The following GSAP variants were observed in gnomAD, a reference collection of about 807,000 sequenced individuals.
The protein encoded by GSAP is gamma-secretase-activating protein.
A neutral mutation model predicts 131.7 loss-of-function variants in GSAP; 118 were observed. That is an observed-to-expected ratio of 0.90 (90% CI 0.77 to 1.04). The LOEUF (loss-of-function observed/expected upper bound fraction) is 1.04, where lower values mean the gene tolerates loss of function less well. Among genes scored for constraint, GSAP ranks in the 50% least tolerant of loss-of-function variants. GSAP has a pLI of 0.00. For synonymous variants in GSAP, 381 were observed against 363.4 expected (o/e 1.05, Z -0.55); for missense variants, 1,019 against 1,013.2 (o/e 1.01, Z -0.08).
intron 6 of GSAP, among the ~76,000 whole-genome samples, chr7:77,386,713 A>G (rs1424832040): frequency 1.3e-5 from 2 of 152,242 alleles, no homozygotes; most frequent in Non-Finnish European, 2.9e-5. Flanking sequence ...ACAAAAATTG[A>G]AAGATGGAAC....
chr7:77,397,467 A>G, intron 3 of GSAP, 52 bp from the exon 4 acceptor site: 1 of 985,380 alleles, frequency 1.0e-6, no homozygotes, highest in Non-Finnish European at 1.6e-6. Context: ...TTAAATAACA[A>G]TTGTATGAAC....
chr7:77,353,667 T>A (rs775045755), intron 16 of GSAP, 26 bp from the exon 17 acceptor site: 2 of 1,492,406 alleles, frequency 1.3e-6, no homozygotes. Flanking sequence ...CAGAACTCTG[T>A]TGGTATTTAA....
At chr7:77,416,057 A>T (rs1804372326) in intron 1 of GSAP, among the ~76,000 whole-genome samples, 156 bp downstream of exon 1, 1 of 152,208 alleles carries the variant, frequency 6.6e-6, no homozygotes, top group African/African-American at 2.4e-5. Context: ...TGGGTGGCAA[A>T]GCCAAAACAG....
At chr7:77,372,437 AAAT>A (rs1796270820) in intron 12 of GSAP, among the ~76,000 whole-genome samples, 1 of 152,238 alleles carries the variant, frequency 6.6e-6, no homozygotes, top group African/African-American at 2.4e-5. Flanking sequence ...TTTGAATAGA[AAAT>A]AAAGTTTATT....
At chr7:77,384,200 G>A (rs1020343537) in intron 6 of GSAP, among the ~76,000 whole-genome samples, 1 of 152,226 alleles carries the variant, frequency 6.6e-6, no homozygotes, top group Non-Finnish European at 1.5e-5. Context: ...TATGGAAGAT[G>A]GTATGGCCTC....
In GSAP at chr7:77,362,562, CAAAG is replaced by C. The variant is rs1794686982; in HGVS notation, c.949+17_949+20del. 1 of 1,281,056 alleles carries C rather than the reference CAAAG, an allele frequency of 7.8e-7. No individual in the cohort carries two copies. Among genetic ancestry groups the C allele is most frequent in the Non-Finnish European group, 1.1e-6 (1 of 880,938 alleles). 79.4% of individuals were successfully genotyped at this position (1,281,056 alleles called of 1,614,324 possible). A position where few individuals can be genotyped will look rare whatever the true frequency, so the allele number is the denominator to read the frequency against. On this transcript the variant is annotated intron_variant, in intron 13 of 30. Transcript: ENST00000257626. ...GGAAAAAGTTATTATGTAAAAGTAA[CAAAG>C]AAGACATGAAAAGTACCTTTATGAA...
At position 77,381,311 on chromosome 7, in the gene GSAP, A is replaced by G; in HGVS notation, c.570T>C (p.Asn190=). 2 of 1,557,422 alleles carry G rather than the reference A, an allele frequency of 1.3e-6. No individual in the cohort carries two copies. The highest frequency in any genetic ancestry group is 1.7e-6 in the Non-Finnish European group (2 of 1,144,788). ...AAGAATTTCAAATCTTTACCACTCT[A>G]TTTCCATCTTCTTGGGCGACATGGA... The part of the protein sequence containing the change: ...FRIHVAQEDG[N]RVVIKNSGHL... Residue 190 remains asparagine (N), a synonymous_variant, in exon 8 of 31, where the codon AAT becomes AAC. Transcript: ENST00000257626.
At chr7:77,337,007 T>C (rs1445519912) in intron 19 of GSAP, among the ~76,000 whole-genome samples, 1 of 152,210 alleles carries the variant, frequency 6.6e-6, no homozygotes, top group Non-Finnish European at 1.5e-5. Flanking sequence ...TTTTTTAAAA[T>C]TGTAAACTAT....
At chr7:77,351,488 G>A in intron 18 of GSAP, 1 of 975,162 alleles carries the variant, frequency 1.0e-6, no homozygotes, top group Non-Finnish European at 1.2e-6. Context: ...CTAATGATAA[G>A]CATAGACTGA....
rs1238857021 is a variant in GSAP at position 77,362,579 on chromosome 7, G to A, written c.949+4C>T. ...AAAAGTAACAAAGAAGACATGAAAA[G>A]TACCTTTATGAATGTAAAACACTGA... On this transcript the variant is annotated splice_donor_region_variant and intron_variant, in intron 13 of 30. Coordinates refer to ENST00000257626, the MANE Select transcript of GSAP (RefSeq NM_017439.4). 9.5e-6 allele frequency: 14 copies of A among 1,470,236 alleles called. No individual in the cohort carries two copies. The highest frequency in any genetic ancestry group is 1.4e-5 in the African/African-American group (1 of 71,246). The allele number at this position is 1,470,236 out of a possible 1,614,324, so 91.1% of individuals were successfully genotyped here. A position where few individuals can be genotyped will look rare whatever the true frequency, so the allele number is the denominator to read the frequency against.
intron 19 of GSAP, among the ~76,000 whole-genome samples, chr7:77,346,184 C>T (rs938501967): frequency 2.1e-5 from 3 of 145,304 alleles, no homozygotes; most frequent in Admixed American, 1.4e-4. Context: ...GCAGGAGAAT[C>T]GCTTGAACCC....
rs1794646787 is a variant in GSAP at position 77,313,530 on chromosome 7, T to A, written c.2229A>T (p.Lys743Asn). The A allele has an allele frequency of 6.5e-7, 1 of 1,538,588 alleles. No homozygotes were observed. Among genetic ancestry groups the A allele is most frequent in the South Asian group, 1.1e-5 (1 of 88,870 alleles). The change falls in exon 28 of 31, where the codon AAA (lysine) becomes AAT (asparagine). Residue 743 changes from lysine (K) to asparagine (N), a missense_variant. Transcript: ENST00000257626. ...TGATACTGAATTTCAGTTTTTCATT[T>A]TTCTCTGTATTATCCAGATCTACAA... ...RLMKDLDNTE[K>N]NEKLKFSIIV...
At chr7:77,356,845 C>T (rs1190010359) in intron 14 of GSAP, among the ~76,000 whole-genome samples, 1 of 152,190 alleles carries the variant, frequency 6.6e-6, no homozygotes, top group Non-Finnish European at 1.5e-5. Context: ...TAATCATTTG[C>T]ATAGAAGGCG....
chr7:77,391,489 A>C, intron 5 of GSAP, among the ~76,000 whole-genome samples: 1 of 152,294 alleles, frequency 6.6e-6, no homozygotes, highest in Middle Eastern at 3.4e-3. Context: ...ACTTCACAGC[A>C]AATCACCAAG....
At chr7:77,335,425 T>C (rs1369343372) in intron 19 of GSAP, among the ~76,000 whole-genome samples, 1 of 152,108 alleles carries the variant, frequency 6.6e-6, no homozygotes, top group Non-Finnish European at 1.5e-5. Flanking sequence ...AAAATACCCC[T>C]GAATTAGAGA....
At chr7:77,323,992 A>T (rs1266423870) in intron 23 of GSAP, among the ~76,000 whole-genome samples, 1 of 152,218 alleles carries the variant, frequency 6.6e-6, no homozygotes, top group Non-Finnish European at 1.5e-5. Flanking sequence ...GTAAGGCTCT[A>T]ACTCTGACGA....
In GSAP at chr7:77,416,323, G is replaced by T; in HGVS notation, c.-2C>A. 1 of 1,483,442 alleles carries T rather than the reference G, an allele frequency of 6.7e-7. No individual in the cohort carries two copies. The allele number at this position is 1,483,442 out of a possible 1,614,324, so 91.9% of individuals were successfully genotyped here. ...GTCGGCGACCAGGCGAAGAGCCATC[G>T]CCCGGACACGACCACCGGGCGGCTC... On this transcript the variant is annotated 5_prime_UTR_variant, in exon 1 of 31. Transcript: ENST00000257626.
chr7:77,393,672 T>TCC (rs1799922578), intron 5 of GSAP, among the ~76,000 whole-genome samples: 1 of 143,518 alleles, frequency 7.0e-6, no homozygotes, highest in African/African-American at 2.7e-5. Context: ...CATATATACT[T>TCC]TCTTTTTTTT....
At chr7:77,369,902 G>GTTTT (rs143719510) in intron 12 of GSAP, among the ~76,000 whole-genome samples, 4 of 151,426 alleles carry the variant, frequency 2.6e-5, no homozygotes, top group African/African-American at 2.4e-5. Flanking sequence ...TTTGAAACAC[G>GTTTT]TTTTTTTATT....
Sources: allele counts gnomAD v4.1 joint callset (sites outside exome capture counted in the v4.1 genomes callset), GRCh38; gene constraint gnomAD v4.1.1; transcripts MANE v1.5; gene names NCBI Gene and HGNC (gene_info 2026-07-23, HGNC 2026-07-21).